ZNF544: variants seen among roughly 807,000 people sequenced by gnomAD.
ZNF544 encodes zinc finger protein 544, also known as zinc finger protein AF020591.
In ZNF544, 10 loss-of-function variants were observed where a neutral mutation model predicts 13.5. The ratio of observed to expected loss-of-function variants is 0.74; its 90% CI spans 0.46 to 1.25. ZNF544 has a LOEUF of 1.25. ZNF544 is among the 50% of genes most tolerant of loss of function. The pLI is 0.00. For missense variants in ZNF544, 896 were observed against 845.6 expected (o/e 1.06, Z -0.74); for synonymous variants, 323 against 300.5 (o/e 1.07, Z -0.77).
rs780729937 is a variant in ZNF544 at position 58,262,251 on chromosome 19, C to T, written c.1645C>T (p.Gln549Ter). The change falls in exon 7 of 7, where the codon CAG (glutamine) becomes TAG (stop). Residue 549 changes from glutamine to a stop codon, truncating the protein, a stop_gained. Coordinates refer to ENST00000687789, the MANE Select transcript of ZNF544 (RefSeq NM_014480.4). LOFTEE classifies it low-confidence loss of function (END_TRUNC). ...QRIHTGEKPY[Q>*]CIECGKSFRW... ...AATTCACACTGGAGAAAAACCGTATCAGTGTATTGAATGTGGGAAATCCTT... is the reference window on the plus strand; with the variant it reads ...AATTCACACTGGAGAAAAACCGTATTAGTGTATTGAATGTGGGAAATCCTT... The T allele has an allele frequency of 2.5e-6, 4 of 1,613,888 alleles. No homozygotes were observed. Among genetic ancestry groups the T allele is most frequent in the East Asian group, 2.2e-5 (1 of 44,882 alleles).
chr19:58,245,377 C>G lies in ZNF544; in HGVS notation c.34-924C>G, dbSNP rs190396989. Among the ~76,000 whole-genome samples the G allele has an allele frequency of 4.6e-5, 7 of 151,754 alleles. No homozygotes were observed. In the East Asian group the frequency reaches 1.4e-3, roughly 29 times the overall value. ...AGTACAATGGCGCGATCTCAGCTCACTGCAACCTCTGCCTCCAGGTTCAAG... is the reference window on the plus strand; with the variant it reads ...AGTACAATGGCGCGATCTCAGCTCAGTGCAACCTCTGCCTCCAGGTTCAAG... On this transcript the variant is annotated intron_variant, in intron 4 of 6. Coordinates refer to ENST00000687789, the MANE Select transcript of ZNF544 (RefSeq NM_014480.4).
chr19:58,248,115 T>C (rs570100238), intron 6 of ZNF544, among the ~76,000 whole-genome samples: 1 of 152,106 alleles, frequency 6.6e-6, no homozygotes, highest in Admixed American at 6.5e-5. Context: ...AGTTTCACCA[T>C]GTTGGCCAGG....
At chr19:58,253,440 T>C (rs1049230562) in intron 6 of ZNF544, among the ~76,000 whole-genome samples, 2 of 152,146 alleles carry the variant, frequency 1.3e-5, no homozygotes, top group Non-Finnish European at 2.9e-5. Context: ...TTAGTCTGAT[T>C]TGTTTATTTA....
At chr19:58,248,192 G>A (rs768984364) in intron 6 of ZNF544, among the ~76,000 whole-genome samples, 25 of 149,058 alleles carry the variant, frequency 1.7e-4, no homozygotes, top group Admixed American at 3.3e-4. Flanking sequence ...GATTACAGGC[G>A]TGAGCCACTA....
intron 6 of ZNF544, among the ~76,000 whole-genome samples, chr19:58,251,086 A>C (rs1211613562): frequency 6.6e-6 from 1 of 152,198 alleles, no homozygotes; most frequent in East Asian, 1.9e-4. Flanking sequence ...TAGGAACTTC[A>C]GGGGTGGATA....
At chr19:58,248,475 C>T (rs939410441) in intron 6 of ZNF544, among the ~76,000 whole-genome samples, 1 of 151,694 alleles carries the variant, frequency 6.6e-6, no homozygotes, top group Admixed American at 6.6e-5. Flanking sequence ...TCAAGTGATC[C>T]TCCCACCTCA....
chr19:58,241,140 T>G lies in ZNF544; in HGVS notation c.-59-2825T>G, dbSNP rs868713572. 4.9e-3 allele frequency among the ~76,000 whole-genome samples: 309 copies of G among 63,524 alleles called. 3 individuals are homozygous for G. The highest frequency in any genetic ancestry group is 8.9e-3 in the Non-Finnish European group (220 of 24,740). The allele number at this position is 63,524 out of a possible 152,430, so 41.7% of individuals were successfully genotyped here. ...GCATGCACCACCATGGCCAGCCAAT[T>G]TAAAATATATATATATATTTAAATA... On this transcript the variant is annotated intron_variant, in intron 3 of 6. Coordinates refer to ENST00000687789, the MANE Select transcript of ZNF544 (RefSeq NM_014480.4).
chr19:58,239,506 C>T (rs2043117360), intron 3 of ZNF544, among the ~76,000 whole-genome samples: 2 of 152,178 alleles, frequency 1.3e-5, no homozygotes, highest in Admixed American at 6.5e-5. Context: ...TCACTGTGTG[C>T]GGGTCCTTGA....
chr19:58,238,454 C>T (rs2042884967), intron 3 of ZNF544, among the ~76,000 whole-genome samples: 1 of 152,174 alleles, frequency 6.6e-6, no homozygotes, highest in Non-Finnish European at 1.5e-5. Flanking sequence ...AGGCATGGGG[C>T]AGGCTTGTGG....
Position 58,261,035 on chromosome 19 carries a change from GGTACT to G in ZNF544, c.430_434del (p.Val144HisfsTer13). The G allele has an allele frequency of 6.2e-7, 1 of 1,614,150 alleles. No individual in the cohort carries two copies. The highest frequency in any genetic ancestry group is 1.1e-5 in the South Asian group (1 of 91,088). ...ACCAGGAGAACTCCTTGAGGTTCAT[GGTACT>G]CACCTCAGAGAGACTGTTTGCTCAA... On this transcript the variant is annotated frameshift_variant, in exon 7 of 7. Coordinates refer to ENST00000687789, the MANE Select transcript of ZNF544 (RefSeq NM_014480.4). LOFTEE classifies it low-confidence loss of function (END_TRUNC).
At chr19:58,253,569 G>A (rs1006920210) in intron 6 of ZNF544, among the ~76,000 whole-genome samples, 4 of 152,296 alleles carry the variant, frequency 2.6e-5, no homozygotes, top group Admixed American at 6.5e-5. Flanking sequence ...CTCCTGAGTA[G>A]CTGGGACAAC....
chr19:58,246,499 T>C, intron 5 of ZNF544, 72 bp downstream of exon 5: 3 of 1,589,782 alleles, frequency 1.9e-6, no homozygotes. Flanking sequence ...TGAAGGGTGT[T>C]CTGGGATGTG....
At chr19:58,259,521 C>T (rs1025417843) in intron 6 of ZNF544, 1 of 152,196 alleles carries the variant, frequency 6.6e-6, no homozygotes, top group African/African-American at 2.4e-5. Context: ...GTCACTGGAT[C>T]AAAATCAAGG....
chr19:58,268,070 C>T (rs990833468), downstream of ZNF544, among the ~76,000 whole-genome samples: 31 of 151,990 alleles, frequency 2.0e-4, no homozygotes, highest in African/African-American at 6.8e-4. Context: ...GAGGCCGAGG[C>T]GGGCGGATCA....
At chr19:58,275,044 A>G (rs1451472216) in intron 5 of ZNF544, among the ~76,000 whole-genome samples, 1 of 141,676 alleles carries the variant, frequency 7.1e-6, no homozygotes, top group Non-Finnish European at 1.5e-5. Context: ...TAAGGGAGAA[A>G]GGGGGTGGTA....
chr19:58,270,703 A>G (rs1322481299), intron 5 of ZNF544, among the ~76,000 whole-genome samples: 2 of 152,320 alleles, frequency 1.3e-5, no homozygotes, highest in South Asian at 2.1e-4. Flanking sequence ...GTCACTGACA[A>G]TGTCAGCCCC....
Position 58,262,540 on chromosome 19 carries a change from C to T in ZNF544, c.1934C>T (p.Ser645Phe). The change falls in exon 7 of 7, where the codon TCC becomes TTC. Residue 645 changes from serine (S) to phenylalanine (F), a missense_variant. Ser to Phe is a radical substitution (Grantham distance 155, BLOSUM62 -2). Coordinates refer to ENST00000687789, the MANE Select transcript of ZNF544 (RefSeq NM_014480.4). ...TGCAATAAAGCCTTTGCAAGGAGCTCCTACCTTGTGATGCATCAGAGAACT... is the reference window on the plus strand; with the variant it reads ...TGCAATAAAGCCTTTGCAAGGAGCTTCTACCTTGTGATGCATCAGAGAACT... The part of the protein sequence containing the change: ...NQCNKAFARS[S>F]YLVMHQRTHT... 6.2e-7 allele frequency: 1 copy of T among 1,614,128 alleles called. No homozygotes were observed. Among genetic ancestry groups the T allele is most frequent in the Non-Finnish European group, 8.5e-7 (1 of 1,180,012 alleles).
chr19:58,266,382 G>A (rs1370469930), downstream of ZNF544, among the ~76,000 whole-genome samples: 1 of 151,650 alleles, frequency 6.6e-6, no homozygotes, highest in Non-Finnish European at 1.5e-5. Context: ...AGGTGTGGTG[G>A]CAGGTGCCTG....
At position 58,261,164 on chromosome 19, in the gene ZNF544, G is replaced by C. The variant is rs148043949; in HGVS notation, c.558G>C (p.Lys186Asn). 3.7e-6 allele frequency: 6 copies of C among 1,614,096 alleles called. No individual in the cohort carries two copies. The East Asian group carries it at 1.3e-4, about 36-fold the overall frequency. The change falls in exon 7 of 7, where the codon AAG (lysine) becomes AAC (asparagine). Residue 186 changes from lysine to asparagine, a missense_variant. Coordinates refer to ENST00000687789, the MANE Select transcript of ZNF544 (RefSeq NM_014480.4). ...TTLPTSTGFP[K>N]PNSQVKELKQ... ...TACCTACAAGTACAGGTTTCCCTAA[G>C]CCCAACTCACAAGTTAAAGAGTTGA...
Sources: gnomAD v4.1 joint callset for allele counts (sites outside exome capture counted in the v4.1 genomes callset) on GRCh38, gnomAD v4.1.1 for gene constraint, MANE v1.5 for transcripts, NCBI Gene and HGNC (gene_info 2026-07-23, HGNC 2026-07-21) for gene names.